VWA3A: variants seen among roughly 807,000 people sequenced by gnomAD.
VWA3A encodes the protein von Willebrand factor A domain-containing protein 3A.
In VWA3A, 134 loss-of-function variants were observed where a neutral mutation model predicts 160.4. The ratio of observed to expected loss-of-function variants is 0.84; its 90% CI spans 0.73 to 0.96. The LOEUF (loss-of-function observed/expected upper bound fraction) is 0.96, where lower values mean the gene tolerates loss of function less well. Ranked by LOEUF, VWA3A falls within the 40% of genes least tolerant of loss-of-function variation. The pLI is 0.00. For synonymous variants in VWA3A, 476 were observed against 543.4 expected, an observed-to-expected ratio of 0.88 and a Z score of 1.72; for missense variants, 1,310 against 1,447.9, an observed-to-expected ratio of 0.90 and a Z score of 1.55.
intron 5 of VWA3A, 29 bp downstream of exon 5, chr16:22,100,522 C>T: frequency 6.5e-7 from 1 of 1,541,200 alleles, no homozygotes; most frequent in Non-Finnish European, 8.8e-7. Context: ...GTCCTCCCAA[C>T]ACCACAGAAC....
At position 22,111,013 on chromosome 16, in the gene VWA3A, T is replaced by C. The variant is rs1231366796; in HGVS notation, c.689+19T>C. The C allele has an allele frequency of 5.1e-6, 8 of 1,572,636 alleles. No individual in the cohort carries two copies. The highest frequency in any genetic ancestry group is 6.9e-6 in the Non-Finnish European group (8 of 1,157,444). ...CCTCCACGTGAGTGGCTTTCCTACC[T>C]GACGGTGATGTTCACTTGTTCATTT... is the stretch of plus-strand genomic sequence containing the variant. On this transcript the variant is annotated intron_variant, in intron 8 of 33. Coordinates refer to ENST00000389398, the MANE Select transcript of VWA3A (RefSeq NM_173615.5).
chr16:22,144,068 A>G (rs2046203158), intron 25 of VWA3A, among the ~76,000 whole-genome samples, 179 bp from the exon 26 acceptor site: 1 of 151,906 alleles, frequency 6.6e-6, no homozygotes, highest in Non-Finnish European at 1.5e-5. Context: ...TTTCTTGTGC[A>G]TTTCTCCCCC....
At chr16:22,154,340 T>C (rs1472385748) in intron 31 of VWA3A, among the ~76,000 whole-genome samples, 1 of 140,472 alleles carries the variant, frequency 7.1e-6, no homozygotes, top group Non-Finnish European at 1.5e-5. Context: ...TTTTTTTTTT[T>C]TTTTTTTGAG....
At chr16:22,116,711 A>T in intron 9 of VWA3A, 48 bp from the exon 10 acceptor site, 1 of 1,453,736 alleles carries the variant, frequency 6.9e-7, no homozygotes, top group African/African-American at 1.4e-5. Context: ...GAATGTTCTC[A>T]AAGTGGTCTG....
intron 26 of VWA3A, among the ~76,000 whole-genome samples, chr16:22,145,779 CA>C (rs71151663): frequency 0.23 from 33,551 of 144,132 alleles, 4,196 homozygotes; most frequent in East Asian, 0.51. Context: ...AGGCTTTAAA[CA>C]AAAAAAAAAA....
chr16:22,107,728 TTAAAA>T (rs1471087582), intron 6 of VWA3A, among the ~76,000 whole-genome samples: 1 of 152,074 alleles, frequency 6.6e-6, no homozygotes, highest in Non-Finnish European at 1.5e-5. Flanking sequence ...GAAGCTCTTG[TTAAAA>T]TAAAGACTCT....
chr16:22,152,706 T>G, intron 31 of VWA3A, 72 bp downstream of exon 31: 26 of 1,536,644 alleles, frequency 1.7e-5, no homozygotes, highest in Middle Eastern at 1.8e-4. Context: ...CATGGGGTTT[T>G]CCTTCTTGAA....
chr16:22,136,029 G>A (rs564827381), intron 21 of VWA3A, among the ~76,000 whole-genome samples: 43 of 152,164 alleles, frequency 2.8e-4, no homozygotes, highest in Middle Eastern at 3.4e-3. Flanking sequence ...GATCTCAGCT[G>A]ATCTGCCTGC....
rs2045776416 is a variant in VWA3A, at chr16:22,123,137, T to A, written c.1409T>A (p.Val470Glu). ...WHDGTVKNIH[V>E]DPPFLYKYQQ... ...GACGGGACAGTGAAGAACATTCATG[T>A]GGACCCACCCTTCCTCTATAAGTAC... The change falls in exon 15 of 34, where the codon GTG becomes GAG. Residue 470 changes from valine to glutamate, a missense_variant. Coordinates refer to ENST00000389398, the MANE Select transcript of VWA3A (RefSeq NM_173615.5). 1 of 1,605,590 alleles carries A rather than the reference T, an allele frequency of 6.2e-7. No homozygotes were observed. Among genetic ancestry groups the A allele is most frequent in the African/African-American group, 1.3e-5 (1 of 74,924 alleles).
chr16:22,148,368 G>A (rs2046293441), intron 28 of VWA3A, 62 bp downstream of exon 28: 2 of 1,525,038 alleles, frequency 1.3e-6, no homozygotes, highest in South Asian at 2.5e-5. Context: ...CCCTGGCCAA[G>A]CACGCCCCCT....
intron 15 of VWA3A, 122 bp from the exon 16 acceptor site, chr16:22,123,491 C>CTGGATT (rs779862190): frequency 6.3e-7 from 1 of 1,590,348 alleles, no homozygotes; most frequent in Non-Finnish European, 8.5e-7. Context: ...ATTATACTGC[C>CTGGATT]TGGATTCCCA....
chr16:22,115,692 C>G (rs1431604566), intron 9 of VWA3A, among the ~76,000 whole-genome samples: 2 of 150,842 alleles, frequency 1.3e-5, no homozygotes, highest in African/African-American at 4.9e-5. Flanking sequence ...CAAAAATTAG[C>G]TGGTCATGGT....
intron 21 of VWA3A, among the ~76,000 whole-genome samples, chr16:22,137,240 T>A (rs1325377856): frequency 6.6e-6 from 1 of 152,184 alleles, no homozygotes. Context: ...TACATTTGAA[T>A]GGTGTCTTCT....
chr16:22,150,334 G>A (rs1184945672), intron 29 of VWA3A, among the ~76,000 whole-genome samples: 5 of 152,184 alleles, frequency 3.3e-5, no homozygotes, highest in African/African-American at 1.2e-4. Context: ...CTGGGAGGCA[G>A]AGGTTGCAGT....
At position 22,120,949 on chromosome 16, in the gene VWA3A, G is replaced by C; in HGVS notation, c.1117-19G>C. 1.2e-6 allele frequency: 2 copies of C among 1,613,544 alleles called. No homozygotes were observed. The highest frequency in any genetic ancestry group is 1.7e-6 in the Non-Finnish European group (2 of 1,179,664). ...TCTAAAATATGATTATGTAATGAGG[G>C]CTTTCTCATTTAACTTAGATTTCCA... On this transcript the variant is annotated intron_variant, in intron 12 of 33. Coordinates refer to ENST00000389398, the MANE Select transcript of VWA3A (RefSeq NM_173615.5).
Position 22,144,315 on chromosome 16 carries a change from T to C in VWA3A, c.2661T>C (p.Thr887=). The C allele has an allele frequency of 1.2e-6, 2 of 1,613,908 alleles. No homozygotes were observed. The highest frequency in any genetic ancestry group is 8.5e-7 in the Non-Finnish European group (1 of 1,179,888). The change falls in exon 26 of 34, where the codon ACT becomes ACC. Residue 887 remains threonine (T), a synonymous_variant. Coordinates refer to ENST00000389398, the MANE Select transcript of VWA3A (RefSeq NM_173615.5). The part of the protein sequence containing the change: ...EISRCMGPNC[T]HQKSGQRSAS... ...CCAGATGCATGGGTCCCAACTGCAC[T>C]CATCAAAAGTCAGGACAGAGGTCAG...
Position 22,100,436 on chromosome 16 carries a change from T to G in VWA3A, c.371T>G (p.Val124Gly), listed in dbSNP as rs1567526498. 1.3e-6 allele frequency: 2 copies of G among 1,551,562 alleles called. No homozygotes were observed. The highest frequency in any genetic ancestry group is 2.7e-5 in the African/African-American group (2 of 73,030). ...TEVLEEGTNV[V>G]QKICFSTQII... is the part of the protein sequence containing the mutation. ...TTCAGGGAGGAGGGCACCAATGTCG[T>G]GCAGAAAATATGTTTCTCCACCCAG... is the stretch of plus-strand genomic sequence containing the variant. Residue 124 changes from valine to glycine, a missense_variant, in exon 5 of 34, where the codon GTG becomes GGG. Physicochemically the swap from Val to Gly is moderately radical, Grantham distance 109 (BLOSUM62 -3). Coordinates refer to ENST00000389398, the MANE Select transcript of VWA3A (RefSeq NM_173615.5).
At position 22,126,273 on chromosome 16, in the gene VWA3A, A is replaced by G. The variant is rs781521116; in HGVS notation, c.1628A>G (p.Asn543Ser). 2 of 1,613,780 alleles carry G rather than the reference A, an allele frequency of 1.2e-6. No homozygotes were observed. Among genetic ancestry groups the G allele is most frequent in the African/African-American group, 1.3e-5 (1 of 74,904 alleles). The stretch of plus-strand genomic sequence containing the variant: ...CTGCTGCTGGAGGAGCAGTTATCCA[A>G]CAAGGACTGTTTCAACCTCATCGCG... ...LRLLLEEQLS[N>S]KDCFNLIAFG... is the part of the protein sequence containing the mutation. Residue 543 changes from asparagine to serine, a missense_variant, in exon 17 of 34, where the codon AAC becomes AGC. Physicochemically the swap from Asn to Ser is conservative, Grantham distance 46 (BLOSUM62 1). Coordinates refer to ENST00000389398, the MANE Select transcript of VWA3A (RefSeq NM_173615.5).
chr16:22,133,855 T>A (rs1363230985), intron 20 of VWA3A, among the ~76,000 whole-genome samples: 7 of 152,060 alleles, frequency 4.6e-5, no homozygotes, highest in Admixed American at 4.6e-4. Flanking sequence ...TAATTTAGAA[T>A]GTCATAGAAT....
Sources: allele counts gnomAD v4.1 joint callset (sites outside exome capture counted in the v4.1 genomes callset), GRCh38; gene constraint gnomAD v4.1.1; transcripts MANE v1.5; gene names NCBI Gene and HGNC (gene_info 2026-07-23, HGNC 2026-07-21).